Variants in OPCML observed in about 807,000 individuals in gnomAD.
OPCML encodes opioid binding protein/cell adhesion molecule like.
Under a neutral mutation model 37.8 loss-of-function variants are expected in OPCML, and 13 were observed. The ratio of observed to expected loss-of-function variants is 0.34; its 90% CI spans 0.22 to 0.55. The LOEUF (loss-of-function observed/expected upper bound fraction) is 0.55. Ranked by LOEUF, OPCML falls within the 20% of genes least tolerant of loss-of-function variation. The probability of loss-of-function intolerance (pLI) is 0.91; values close to 1 mark genes in which losing one functional copy is unlikely to be tolerated. For synonymous variants in OPCML, 176 were observed against 168.8 expected (o/e 1.04, Z -0.33); for missense variants, 341 against 435.6 (o/e 0.78, Z 1.93).
chr11:133,461,961 A>G (rs891132973), intron 1 of OPCML, among the ~76,000 whole-genome samples: 2 of 152,024 alleles, frequency 1.3e-5, no homozygotes, highest in Admixed American at 6.6e-5. Flanking sequence ...ACAAAGAGCC[A>G]AGAAACAAAC....
chr11:133,145,347 C>T (rs761738501), intron 1 of OPCML, among the ~76,000 whole-genome samples: 18 of 151,814 alleles, frequency 1.2e-4, no homozygotes, highest in Non-Finnish European at 2.5e-4. Flanking sequence ...TGTTGACTGG[C>T]AATTATAGAA....
chr11:133,132,160 C>T (rs1949614841), intron 1 of OPCML, among the ~76,000 whole-genome samples: 1 of 152,120 alleles, frequency 6.6e-6, no homozygotes, highest in Non-Finnish European at 1.5e-5. Context: ...AGACAGAATA[C>T]ACAGAAACTC....
At chr11:132,676,761 G>GA (rs1424309073) in intron 2 of OPCML, among the ~76,000 whole-genome samples, 11 of 66,850 alleles carry the variant, frequency 1.6e-4, no homozygotes, top group Admixed American at 7.7e-4. Context: ...GCTATAATAA[G>GA]AAAAAAAGAA....
intron 1 of OPCML, among the ~76,000 whole-genome samples, chr11:133,434,751 A>G (rs1024712043): frequency 2.0e-5 from 3 of 148,106 alleles, no homozygotes; most frequent in African/African-American, 7.5e-5. Flanking sequence ...AAATAAGTAG[A>G]TCCAATCAAG....
chr11:133,128,753 T>C (rs1042997999), intron 1 of OPCML, among the ~76,000 whole-genome samples: 24 of 152,090 alleles, frequency 1.6e-4, no homozygotes, highest in African/African-American at 5.3e-4. Context: ...GCTGCATCTT[T>C]ACAACGAGCT....
At chr11:133,323,425 T>C (rs1377272525) in intron 1 of OPCML, among the ~76,000 whole-genome samples, 1 of 152,170 alleles carries the variant, frequency 6.6e-6, no homozygotes, top group African/African-American at 2.4e-5. Flanking sequence ...TGGTTAGAAC[T>C]GAAGAGTCAG....
chr11:132,886,478 G>T (rs948953237), intron 2 of OPCML, among the ~76,000 whole-genome samples: 1 of 152,222 alleles, frequency 6.6e-6, no homozygotes, highest in Non-Finnish European at 1.5e-5. Context: ...GGCAGCGACC[G>T]TGAGAAGGAC....
intron 2 of OPCML, among the ~76,000 whole-genome samples, chr11:132,798,001 C>A (rs895153551): frequency 6.6e-6 from 1 of 152,168 alleles, no homozygotes; most frequent in Non-Finnish European, 1.5e-5. Flanking sequence ...ATTTTACTCT[C>A]AATAGAACTT....
intron 2 of OPCML, among the ~76,000 whole-genome samples, chr11:132,674,010 G>A (rs1037926433): frequency 6.6e-6 from 1 of 152,154 alleles, no homozygotes; most frequent in Non-Finnish European, 1.5e-5. Context: ...CTATGAAAAT[G>A]TATATTGAAA....
chr11:132,809,338 T>C (rs1165848770), intron 2 of OPCML, among the ~76,000 whole-genome samples: 5 of 152,074 alleles, frequency 3.3e-5, no homozygotes, highest in Admixed American at 3.3e-4. Flanking sequence ...AAGTAGATAA[T>C]CCAAACCTCA....
At chr11:132,776,188 C>A (rs886536004) in intron 2 of OPCML, among the ~76,000 whole-genome samples, 1 of 152,334 alleles carries the variant, frequency 6.6e-6, no homozygotes, top group South Asian at 2.1e-4. Flanking sequence ...CTCAGCCTCC[C>A]AAACTGCTGT....
At chr11:133,194,959 A>T (rs1938481327) in intron 1 of OPCML, among the ~76,000 whole-genome samples, 1 of 152,176 alleles carries the variant, frequency 6.6e-6, no homozygotes, top group African/African-American at 2.4e-5. Context: ...GTAGCCTTTC[A>T]TGATTAGTAT....
chr11:132,636,877 A>C (rs1269519735), intron 3 of OPCML, among the ~76,000 whole-genome samples: 3 of 152,180 alleles, frequency 2.0e-5, no homozygotes, highest in Non-Finnish European at 4.4e-5. Flanking sequence ...AACTTAAAGA[A>C]GATCCAGATT....
chr11:133,440,828 A>G (rs1946352041), intron 1 of OPCML, among the ~76,000 whole-genome samples: 1 of 146,452 alleles, frequency 6.8e-6, no homozygotes, highest in Admixed American at 6.8e-5. Flanking sequence ...ATATATATAT[A>G]TAAATCATAT....
intron 3 of OPCML, among the ~76,000 whole-genome samples, chr11:132,622,007 A>G (rs1227448512): frequency 1.3e-5 from 2 of 152,196 alleles, no homozygotes; most frequent in African/African-American, 4.8e-5. Context: ...TTCTACCTTT[A>G]GAGCCCAGAC....
At chr11:132,536,010 T>C (rs1565645643) in intron 3 of OPCML, among the ~76,000 whole-genome samples, 1 of 152,136 alleles carries the variant, frequency 6.6e-6, no homozygotes, top group Non-Finnish European at 1.5e-5. Context: ...GAAGCAATAG[T>C]GTCAGAAAGT....
intron 1 of OPCML, among the ~76,000 whole-genome samples, chr11:133,235,187 C>A (rs895230883): frequency 6.6e-6 from 1 of 152,152 alleles, no homozygotes; most frequent in African/African-American, 2.4e-5. Flanking sequence ...TAGTTCTGCA[C>A]AATTGGTCAG....
chr11:133,063,736 ATT>A (rs1327681597), intron 1 of OPCML, among the ~76,000 whole-genome samples: 6 of 151,968 alleles, frequency 3.9e-5, no homozygotes, highest in Non-Finnish European at 8.8e-5. Flanking sequence ...TAATTTTTGT[ATT>A]TTTAGTAGAG....
chr11:133,203,156 C>T (rs928006668), intron 1 of OPCML, among the ~76,000 whole-genome samples: 1 of 152,170 alleles, frequency 6.6e-6, no homozygotes, highest in Non-Finnish European at 1.5e-5. Flanking sequence ...GGTAGAATTA[C>T]TACTCAAAAC....
Sources: gnomAD v4.1 joint callset for allele counts (sites outside exome capture counted in the v4.1 genomes callset) on GRCh38, gnomAD v4.1.1 for gene constraint, MANE v1.5 for transcripts, NCBI Gene and HGNC (gene_info 2026-07-23, HGNC 2026-07-21) for gene names.